The following IGF2R variants were observed in gnomAD, a reference collection of about 807,000 sequenced individuals.
The protein encoded by IGF2R is cation-independent mannose-6-phosphate receptor.
A neutral mutation model predicts 270.6 loss-of-function variants in IGF2R; 91 were observed. The ratio of observed to expected loss-of-function variants is 0.34; its 90% CI spans 0.28 to 0.40. The LOEUF is 0.40. Ranked by LOEUF, IGF2R falls within the 10% of genes least tolerant of loss-of-function variation. The pLI is 1.00. For missense variants in IGF2R, 2,805 were observed against 3,188.3 expected (o/e 0.88, Z 2.90); for synonymous variants, 1,316 against 1,258.9 (o/e 1.05, Z -0.96).
chr6:160,084,152 C>A lies in IGF2R; in HGVS notation c.6036C>A (p.Thr2012=), dbSNP rs767147349. 6 of 1,613,756 alleles carry A rather than the reference C, an allele frequency of 3.7e-6. No homozygotes were observed. In the East Asian group the frequency reaches 1.3e-4, roughly 36 times the overall value. Residue 2012 remains threonine, a synonymous_variant, in exon 40 of 48, where the codon ACC becomes ACA. Transcript: ENST00000356956. The surrounding 1 kb of genome is among the most constrained non-coding windows in gnomAD (Gnocchi z 4.6). ...ACCTGCGGCTGCTCTCCTCTCTCAC[C>A]GGGTCCTGGTCCCTCGTCCACAACG... is the stretch of plus-strand genomic sequence containing the variant. ...TYDLRLLSSL[T]GSWSLVHNGV...
In IGF2R at chr6:160,105,155, C is replaced by A; in HGVS notation, c.*71C>A. On this transcript the variant is annotated 3_prime_UTR_variant, in exon 48 of 48. Transcript: ENST00000356956. ...CACCTCCAACCAAATAAGACTTCCACTCGATGATGCTTCTATAATTTTGCC... is the reference window on the plus strand; with the variant it reads ...CACCTCCAACCAAATAAGACTTCCAATCGATGATGCTTCTATAATTTTGCC... 7.8e-7 allele frequency: 1 copy of A among 1,277,424 alleles called. No individual in the cohort carries two copies. The highest frequency in any genetic ancestry group is 1.1e-6 in the Non-Finnish European group (1 of 941,034). 79.1% of individuals were successfully genotyped at this position (1,277,424 alleles called of 1,614,324 possible). A position where few individuals can be genotyped will look rare whatever the true frequency, so the allele number is the denominator to read the frequency against.
At position 160,070,848 on chromosome 6, in the gene IGF2R, C is replaced by T. The variant is rs527349877; in HGVS notation, c.4443+790C>T. 8.5e-5 allele frequency among the ~76,000 whole-genome samples: 13 copies of T among 152,308 alleles called. 1 individual carries two copies. Among genetic ancestry groups the T allele is most frequent in the Admixed American group, 4.6e-4 (7 of 15,300 alleles). On this transcript the variant is annotated intron_variant, in intron 31 of 47. Coordinates refer to ENST00000356956, the MANE Select transcript of IGF2R (RefSeq NM_000876.4). Reference sequence around the variant, plus strand: ...GGGGGCTCCAGGAGCTTCAGGCCTGCCCTCTTGCCTGGAGCGGCAGGGAAG... The same window carrying T: ...GGGGGCTCCAGGAGCTTCAGGCCTGTCCTCTTGCCTGGAGCGGCAGGGAAG...
intron 21 of IGF2R, among the ~76,000 whole-genome samples, chr6:160,058,378 T>C (rs1778358772): frequency 1.3e-5 from 2 of 152,226 alleles, no homozygotes. Flanking sequence ...AAACACTTTC[T>C]AAAGGTAGTG....
Position 160,068,372 on chromosome 6 carries a change from G to A in IGF2R, c.4239G>A (p.Pro1413=), listed in dbSNP as rs8191869. The A allele has an allele frequency of 3.2e-3, 5,143 of 1,613,986 alleles. 97 individuals carry two copies. In the African/African-American group the frequency reaches 0.055, roughly 17 times the overall value. ...YLINVCKSLA[P]QAGTEPCPPE... is the part of the protein sequence containing the mutation. The stretch of plus-strand genomic sequence containing the variant: ...TCAATGTCTGCAAGTCTCTGGCCCC[G>A]CAGGCTGGCACTGGTGAGAGAGGGC... Residue 1413 remains proline, a synonymous_variant, in exon 30 of 48, where the codon CCG becomes CCA. Transcript: ENST00000356956.
intron 2 of IGF2R, 133 bp downstream of exon 2, chr6:159,991,456 C>T: frequency 2.9e-6 from 2 of 694,732 alleles, no homozygotes; most frequent in Non-Finnish European, 4.7e-6. Flanking sequence ...GTTTATAATA[C>T]ATAATACACA....
intron 9 of IGF2R, among the ~76,000 whole-genome samples, chr6:160,033,987 A>G (rs1194536620): frequency 2.6e-5 from 4 of 152,232 alleles, no homozygotes; most frequent in African/African-American, 9.6e-5. Flanking sequence ...AGCATGGAAT[A>G]TCTGCCGAGA....
intron 35 of IGF2R, 167 bp downstream of exon 35, chr6:160,074,142 G>A: frequency 1.6e-6 from 1 of 610,238 alleles, no homozygotes; most frequent in Non-Finnish European, 2.9e-6. Context: ...TTAAAGGTTT[G>A]CACATTGAAC....
At chr6:160,068,901 C>A (rs953233744) in intron 30 of IGF2R, among the ~76,000 whole-genome samples, 26 of 152,158 alleles carry the variant, frequency 1.7e-4, no homozygotes, top group African/African-American at 6.3e-4. Context: ...AGGGTGTTAA[C>A]AGTTGATCCC....
rs369990524 is a variant in IGF2R, at chr6:160,058,073, G to A, written c.2847G>A (p.Pro949=). 8 of 1,613,694 alleles carry A rather than the reference G, an allele frequency of 5.0e-6. No homozygotes were observed. Among genetic ancestry groups the A allele is most frequent in the Middle Eastern group, 1.7e-4 (1 of 6,060 alleles). ...PNSGFVFNLN[P]LNSSQGYNVS... ...GTGGATTTGTGTTTAATCTTAATCC[G>A]CTAAACAGTTCGCAAGGATATAACG... Residue 949 remains proline (P), a synonymous_variant, in exon 21 of 48, where the codon CCG becomes CCA. Transcript: ENST00000356956.
At chr6:160,058,171 G>C (rs1195837294) in intron 21 of IGF2R, 47 bp downstream of exon 21, 1 of 1,291,454 alleles carries the variant, frequency 7.7e-7, no homozygotes, top group Non-Finnish European at 1.1e-6. Flanking sequence ...AACAGGGGGA[G>C]AGTGCATTAT....
chr6:160,109,238 C>T lies in IGF2R; in HGVS notation c.*4154C>T, dbSNP rs550723357. The T allele has an allele frequency of 1.3e-5, 2 of 152,204 alleles. No individual in the cohort carries two copies. Among genetic ancestry groups the T allele is most frequent in the East Asian group, 3.9e-4 (2 of 5,166 alleles). The allele number at this position is 152,204 out of a possible 1,614,324, so 9.4% of individuals were successfully genotyped here. ...GTGAGGTCATCTGGTGCCACTCAGC[C>T]CCATCCCAGAGAAAGCAGCCTTGGG... is the stretch of plus-strand genomic sequence containing the variant. On this transcript the variant is annotated 3_prime_UTR_variant, in exon 48 of 48. Transcript: ENST00000356956.
rs1390268884 is a variant in IGF2R at position 160,078,138 on chromosome 6, G to A, written c.5317-63G>A. Reference sequence around the variant, plus strand: ...TGCACAGCCCCTGTAGGGACGTGGTGTGTCACTGCTATCTATCCCTATGCC... The same window carrying A: ...TGCACAGCCCCTGTAGGGACGTGGTATGTCACTGCTATCTATCCCTATGCC... On this transcript the variant is annotated intron_variant, in intron 36 of 47. Coordinates refer to ENST00000356956, the MANE Select transcript of IGF2R (RefSeq NM_000876.4). 3.2e-6 allele frequency: 5 copies of A among 1,540,930 alleles called. No individual in the cohort carries two copies. The East Asian group carries it at 6.8e-5, about 21-fold the overall frequency.
chr6:160,082,112 AGGTCCCTCCGTTCAT>A (rs1241332154), intron 39 of IGF2R, among the ~76,000 whole-genome samples: 1 of 152,246 alleles, frequency 6.6e-6, no homozygotes, highest in Non-Finnish European at 1.5e-5. Flanking sequence ...CGGCTTCAGC[AGGTCCCTCCGTTCAT>A]GGTCCCTGAC....
chr6:160,013,341 A>G (rs191029774), intron 4 of IGF2R, among the ~76,000 whole-genome samples: 15 of 151,966 alleles, frequency 9.9e-5, no homozygotes, highest in African/African-American at 2.2e-4. Context: ...TTACAAAACA[A>G]AGAGGAATAT....
chr6:160,029,505 A>G, intron 6 of IGF2R, 45 bp from the exon 7 acceptor site: 2 of 1,266,512 alleles, frequency 1.6e-6, no homozygotes, highest in Non-Finnish European at 2.3e-6. Context: ...ATTTGGATGT[A>G]CTTTATACTT....
rs1471114901 is a variant in IGF2R, at chr6:160,103,609, T to C, written c.6996-137T>C. 3 of 667,326 alleles carry C rather than the reference T, an allele frequency of 4.5e-6. No individual in the cohort carries two copies. The East Asian group carries it at 7.8e-5, about 17-fold the overall frequency. 41.3% of individuals were successfully genotyped at this position (667,326 alleles called of 1,614,324 possible). A position where few individuals can be genotyped will look rare whatever the true frequency, so the allele number is the denominator to read the frequency against. On this transcript the variant is annotated intron_variant, in intron 46 of 47. Transcript: ENST00000356956. ...ATATAACCTGTCACGGCTACTCATT[T>C]GTCATTCAGAATGTGGGAGAAATGC...
intron 4 of IGF2R, among the ~76,000 whole-genome samples, chr6:160,011,935 A>G (rs1008884595): frequency 6.6e-6 from 1 of 152,258 alleles, no homozygotes; most frequent in Non-Finnish European, 1.5e-5. Flanking sequence ...ATGAATGGTC[A>G]TAATCAGTAA....
chr6:160,051,984 A>C (rs1348007743), intron 19 of IGF2R, among the ~76,000 whole-genome samples: 1 of 151,528 alleles, frequency 6.6e-6, no homozygotes, highest in Non-Finnish European at 1.5e-5. Flanking sequence ...CAGAGGTAGG[A>C]GGATTGTTTG....
intron 33 of IGF2R, 99 bp downstream of exon 33, chr6:160,072,983 C>T: frequency 6.7e-7 from 1 of 1,500,020 alleles, no homozygotes; most frequent in Non-Finnish European, 9.0e-7. Flanking sequence ...TGAGCAGAGC[C>T]AGGAAGCTGA....
Sources: gnomAD v4.1 joint callset for allele counts (sites outside exome capture counted in the v4.1 genomes callset) on GRCh38, gnomAD v4.1.1 for gene constraint, Gnocchi (gnomAD v3.1) non-coding constraint, MANE v1.5 for transcripts, NCBI Gene and HGNC (gene_info 2026-07-23, HGNC 2026-07-21) for gene names.